The following KIF13A variants were observed in gnomAD, a reference collection of about 807,000 sequenced individuals.
KIF13A encodes kinesin-like protein KIF13A.
Under a neutral mutation model 212.2 loss-of-function variants are expected in KIF13A, and 79 were observed. The ratio of observed to expected loss-of-function variants is 0.37; its 90% CI spans 0.31 to 0.45. The LOEUF (loss-of-function observed/expected upper bound fraction) is 0.45. Ranked by LOEUF, KIF13A falls within the 20% of genes least tolerant of loss-of-function variation. The probability of loss-of-function intolerance (pLI) is 1.00; values close to 1 mark genes in which losing one functional copy is unlikely to be tolerated. For synonymous variants in KIF13A, 789 were observed against 808.6 expected (o/e 0.98, Z 0.41); for missense variants, 1,901 against 2,209.0 (o/e 0.86, Z 2.79).
At chr6:17,782,061 C>T (rs538072866) in intron 29 of KIF13A, among the ~76,000 whole-genome samples, 4 of 152,140 alleles carry the variant, frequency 2.6e-5, no homozygotes, top group Non-Finnish European at 4.4e-5. Flanking sequence ...CTCAACCTCC[C>T]GAGCAGCTGG....
chr6:17,766,168 A>AG (rs1354157930), intron 38 of KIF13A, among the ~76,000 whole-genome samples: 1 of 152,148 alleles, frequency 6.6e-6, no homozygotes, highest in Non-Finnish European at 1.5e-5. Context: ...CCGAAGCATC[A>AG]GCCTTACTCA....
At chr6:17,761,630 G>A (rs917733455), downstream of KIF13A, among the ~76,000 whole-genome samples, 3 of 152,080 alleles carry the variant, frequency 2.0e-5, no homozygotes, top group Admixed American at 6.5e-5. Flanking sequence ...TGATCCGCCC[G>A]CCTCAGCCTC....
Position 17,918,865 on chromosome 6 carries a change from T to G in KIF13A, c.147-20685A>C, listed in dbSNP as rs944351870. On this transcript the variant is annotated intron_variant, in intron 2 of 38. Transcript: ENST00000259711. This position sits in a 1 kb window ranked among gnomAD's most constrained non-coding sequence, Gnocchi z 4.8. ...TGCTTTGTTTCCTTCTCAGCACCTT[T>G]CGCCATGTTAAACCATTTCATTATT... 6.6e-6 allele frequency among the ~76,000 whole-genome samples: 1 copy of G among 152,216 alleles called. No homozygotes were observed. Among genetic ancestry groups the G allele is most frequent in the Non-Finnish European group, 1.5e-5 (1 of 68,032 alleles).
intron 34 of KIF13A, among the ~76,000 whole-genome samples, chr6:17,775,981 C>T (rs913604215): frequency 2.6e-5 from 4 of 152,050 alleles, no homozygotes; most frequent in South Asian, 2.1e-4. Context: ...TGGGTTCAAG[C>T]GATTCTCCTG....
At chr6:17,861,282 T>A (rs914761263) in intron 4 of KIF13A, among the ~76,000 whole-genome samples, 1 of 152,200 alleles carries the variant, frequency 6.6e-6, no homozygotes, top group African/African-American at 2.4e-5. Flanking sequence ...TTTATTACTA[T>A]GGCTTTGTGT....
chr6:17,828,388 A>G lies in KIF13A; in HGVS notation c.1402-18T>C, dbSNP rs201054184. On this transcript the variant is annotated intron_variant, in intron 13 of 38. Coordinates refer to ENST00000259711, the MANE Select transcript of KIF13A (RefSeq NM_022113.6). This position sits in a 1 kb window ranked among gnomAD's most constrained non-coding sequence, Gnocchi z 4.3. ...GTGTGATCCTAGTAAAAGATTATTAAGGAAAGAAAAACCCACATTTATGAG... is the reference window on the plus strand; with the variant it reads ...GTGTGATCCTAGTAAAAGATTATTAGGGAAAGAAAAACCCACATTTATGAG... The G allele has an allele frequency of 6.7e-4, 1,075 of 1,599,466 alleles. 2 individuals carry two copies. Among genetic ancestry groups the G allele is most frequent in the Non-Finnish European group, 8.8e-4 (1,028 of 1,174,554 alleles).
At chr6:17,986,055 CACAA>C (rs1781525801) in intron 2 of KIF13A, among the ~76,000 whole-genome samples, 1 of 152,218 alleles carries the variant, frequency 6.6e-6, no homozygotes. Flanking sequence ...GCAATAATGT[CACAA>C]ACCCTGCTTC....
chr6:17,909,634 C>A (rs1206676360), intron 2 of KIF13A, among the ~76,000 whole-genome samples: 3 of 151,782 alleles, frequency 2.0e-5, no homozygotes, highest in African/African-American at 7.3e-5. Flanking sequence ...GTGGCTCATG[C>A]CTGTAATCCC....
intron 16 of KIF13A, among the ~76,000 whole-genome samples, chr6:17,823,764 G>A (rs957720737): frequency 6.6e-5 from 10 of 151,802 alleles, no homozygotes; most frequent in Admixed American, 5.9e-4. Context: ...CACCATGCCT[G>A]GCTAATTTCT....
chr6:17,781,029 C>T, intron 30 of KIF13A, 123 bp from the exon 31 acceptor site: 2 of 1,362,040 alleles, frequency 1.5e-6, no homozygotes, highest in Non-Finnish European at 1.0e-6. Context: ...TTTCTTTCCT[C>T]ACCTTTTTTA....
intron 16 of KIF13A, among the ~76,000 whole-genome samples, chr6:17,820,304 T>C (rs2081614563): frequency 6.6e-6 from 1 of 152,152 alleles, no homozygotes; most frequent in African/African-American, 2.4e-5. Flanking sequence ...GTAAGCCCCA[T>C]TCCCGAACTC....
chr6:17,804,217 A>T, intron 20 of KIF13A, 144 bp downstream of exon 20: 1 of 612,986 alleles, frequency 1.6e-6, no homozygotes, highest in Non-Finnish European at 2.6e-6. Flanking sequence ...GATTATTAGT[A>T]GAGAAAAAAG....
At chr6:17,887,464 G>C (rs146499483) in intron 3 of KIF13A, among the ~76,000 whole-genome samples, 1 of 151,966 alleles carries the variant, frequency 6.6e-6, no homozygotes, top group African/African-American at 2.4e-5. Context: ...TCTTGCAGCC[G>C]TATGAATTTC....
At chr6:17,922,362 G>A (rs1775148717) in intron 2 of KIF13A, among the ~76,000 whole-genome samples, 1 of 152,152 alleles carries the variant, frequency 6.6e-6, no homozygotes, top group Non-Finnish European at 1.5e-5. Context: ...AAACACCAGT[G>A]AAGAAACAAA....
intron 16 of KIF13A, among the ~76,000 whole-genome samples, chr6:17,822,825 G>C (rs192528922): frequency 2.0e-4 from 31 of 152,258 alleles, no homozygotes; most frequent in African/African-American, 7.2e-4. Flanking sequence ...ATGTCTGAAC[G>C]TCACTTCGAA....
downstream of KIF13A, chr6:17,759,126 T>C (rs1581827557): frequency 6.6e-6 from 1 of 152,186 alleles, no homozygotes; most frequent in Admixed American, 6.6e-5. Context: ...TAATACACAG[T>C]TGACCCCTAA....
Position 17,799,419 on chromosome 6 carries a change from C to G in KIF13A, c.2637G>C (p.Thr879=). 1 of 1,567,566 alleles carries G rather than the reference C, an allele frequency of 6.4e-7. No individual in the cohort carries two copies. Among genetic ancestry groups the G allele is most frequent in the Non-Finnish European group, 8.6e-7 (1 of 1,156,340 alleles). ...LTCRVKIKEA[T]GLPLNLSNFV... is the part of the protein sequence containing the mutation. ...AATTTGAGAGGTTTAAGGGCAGCCC[C>G]GTTGCTTCTTTAATTTTTACCTGAA... is the stretch of plus-strand genomic sequence containing the variant. The change falls in exon 22 of 39, where the codon ACG becomes ACC. Residue 879 remains threonine (T), a synonymous_variant. Coordinates refer to ENST00000259711, the MANE Select transcript of KIF13A (RefSeq NM_022113.6). The surrounding 1 kb of genome is among the most constrained non-coding windows in gnomAD (Gnocchi z 4.4).
At position 17,843,906 on chromosome 6, in the gene KIF13A, G is replaced by T. The variant is rs577837269; in HGVS notation, c.830+5471C>A. ...CTAAAAATACAAAAATTAACTGAGC[G>T]TGGTGGCGCACGCCTATAATCCCAG... On this transcript the variant is annotated intron_variant, in intron 9 of 38. Coordinates refer to ENST00000259711, the MANE Select transcript of KIF13A (RefSeq NM_022113.6). The surrounding 1 kb of genome is among the most constrained non-coding windows in gnomAD (Gnocchi z 5.3). Among the ~76,000 whole-genome samples the T allele has an allele frequency of 6.6e-6, 1 of 151,982 alleles. No individual in the cohort carries two copies. The highest frequency in any genetic ancestry group is 1.5e-5 in the Non-Finnish European group (1 of 68,016).
At chr6:17,924,346 C>T (rs929357602) in intron 2 of KIF13A, among the ~76,000 whole-genome samples, 1 of 152,108 alleles carries the variant, frequency 6.6e-6, no homozygotes. Flanking sequence ...AATCTCTAGT[C>T]GTGGACTTGA....
Sources: allele counts gnomAD v4.1 joint callset (sites outside exome capture counted in the v4.1 genomes callset), GRCh38; gene constraint gnomAD v4.1.1; non-coding constraint Gnocchi (gnomAD v3.1); transcripts MANE v1.5; gene names NCBI Gene and HGNC (gene_info 2026-07-23, HGNC 2026-07-21).